Variants in POTEJ observed in about 807,000 individuals in gnomAD.
POTEJ encodes POTE ankyrin domain family member J, also known as POTE ankyrin domain family, member J.
POTEJ carries 11 observed loss-of-function variants against 69.0 expected under a neutral mutation model. The observed-to-expected ratio is 0.16, with a 90% confidence interval of 0.10 to 0.26. POTEJ has a LOEUF of 0.26. Ranked by LOEUF, POTEJ falls within the 10% of genes least tolerant of loss-of-function variation. The probability of loss-of-function intolerance (pLI) is 1.00; values close to 1 mark genes in which losing one functional copy is unlikely to be tolerated. For missense variants in POTEJ, 327 were observed against 1,045.5 expected, an observed-to-expected ratio of 0.31 and a Z score of 9.48; for synonymous variants, 117 against 381.1, an observed-to-expected ratio of 0.31 and a Z score of 8.07.
chr2:130,631,030 A>G (rs1685877909), intron 7 of POTEJ, among the ~76,000 whole-genome samples: 1 of 144,244 alleles, frequency 6.9e-6, no homozygotes, highest in Admixed American at 6.8e-5. Context: ...CAAGTGAGGA[A>G]GGTTTTGGAA....
chr2:130,632,207 A>G (rs1187964610), intron 8 of POTEJ, among the ~76,000 whole-genome samples: 13 of 151,072 alleles, frequency 8.6e-5, no homozygotes, highest in Non-Finnish European at 1.5e-5. Flanking sequence ...GATTGAGAAT[A>G]AAAGCACAAA....
At chr2:130,639,333 A>T (rs1686246203) in intron 10 of POTEJ, among the ~76,000 whole-genome samples, 1 of 152,312 alleles carries the variant, frequency 6.6e-6, no homozygotes, top group Non-Finnish European at 1.5e-5. Flanking sequence ...GTCATGTTAC[A>T]TATGCTTGTG....
chr2:130,618,246 C>G (rs1340169570), intron 3 of POTEJ, among the ~76,000 whole-genome samples: 1 of 152,308 alleles, frequency 6.6e-6, no homozygotes, highest in Non-Finnish European at 1.5e-5. Context: ...CTCTTTTTGG[C>G]CAAATCTTCA....
intron 1 of POTEJ, among the ~76,000 whole-genome samples, chr2:130,613,382 GTGTATATA>G (rs1279356941): frequency 1.6e-4 from 14 of 85,488 alleles, no homozygotes; most frequent in South Asian, 7.5e-4. Context: ...GTGTGTGTGT[GTGTATATA>G]TATATATATA....
chr2:130,626,580 T>C (rs2105214451), intron 6 of POTEJ, among the ~76,000 whole-genome samples: 1 of 152,204 alleles, frequency 6.6e-6, no homozygotes, highest in South Asian at 2.1e-4. Context: ...TGAGCTCCTA[T>C]AAAACTTTAT....
intron 1 of POTEJ, among the ~76,000 whole-genome samples, chr2:130,613,192 C>T (rs1445914108): frequency 7.0e-6 from 1 of 143,162 alleles, no homozygotes; most frequent in Non-Finnish European, 1.5e-5. Context: ...AGAAACATAC[C>T]AGAAAAAATA....
intron 13 of POTEJ, among the ~76,000 whole-genome samples, chr2:130,646,970 A>C (rs1307898773): frequency 6.7e-6 from 1 of 149,104 alleles, no homozygotes; most frequent in African/African-American, 2.6e-5. Flanking sequence ...CAGAGTAAGC[A>C]TATATAATAC....
chr2:130,620,506 G>A (rs531003349), intron 4 of POTEJ, among the ~76,000 whole-genome samples: 3 of 151,562 alleles, frequency 2.0e-5, no homozygotes, highest in Admixed American at 6.6e-5. Context: ...TTTAACCTCT[G>A]TGTCTTACAT....
intron 13 of POTEJ, among the ~76,000 whole-genome samples, chr2:130,647,310 C>A (rs1686616945): frequency 6.6e-6 from 1 of 151,132 alleles, no homozygotes; most frequent in Admixed American, 6.6e-5. Flanking sequence ...TTGTTAGCAA[C>A]AAGATTGCTA....
At chr2:130,644,478 T>A (rs1216051610) in intron 11 of POTEJ, among the ~76,000 whole-genome samples, 44 of 152,286 alleles carry the variant, frequency 2.9e-4, no homozygotes, top group African/African-American at 8.7e-4. Flanking sequence ...GAAAAAAATA[T>A]ATATATATAT....
chr2:130,640,296 TTACCAAAAGTGTGAGA>T (rs1558927887), intron 10 of POTEJ, among the ~76,000 whole-genome samples: 1 of 140,934 alleles, frequency 7.1e-6, no homozygotes, highest in Non-Finnish European at 1.5e-5. Context: ...ACTTTTGGTA[TTACCAAAAGTGTGAGA>T]TACCAGAGGT....
rs1246446030 is a variant in POTEJ at position 130,636,848 on chromosome 2, T to A, written c.1299-1771T>A. Among the ~76,000 whole-genome samples, 6 of 147,648 alleles carry A rather than the reference T, an allele frequency of 4.1e-5. 1 individual carries two copies. The highest frequency in any genetic ancestry group is 6.1e-5 in the Non-Finnish European group (4 of 65,710). On this transcript the variant is annotated intron_variant, in intron 9 of 14. Coordinates refer to ENST00000409602, the MANE Select transcript of POTEJ (RefSeq NM_001277083.2). Reference sequence around the variant, plus strand: ...TGGCTCACACCTGTAATCACAGCACTTTGGGAGGCCAAGGCAGGCGGATCA... The same window carrying A: ...TGGCTCACACCTGTAATCACAGCACATTGGGAGGCCAAGGCAGGCGGATCA...
chr2:130,612,656 A>T lies in POTEJ; in HGVS notation c.410+714A>T, dbSNP rs1286169933. Among the ~76,000 whole-genome samples the T allele has an allele frequency of 9.5e-5, 13 of 137,406 alleles. No individual in the cohort carries two copies. The Admixed American group carries it at 9.5e-4, about 10-fold the overall frequency. 90.1% of individuals were successfully genotyped at this position (137,406 alleles called of 152,430 possible). On this transcript the variant is annotated intron_variant, in intron 1 of 14. Coordinates refer to ENST00000409602, the MANE Select transcript of POTEJ (RefSeq NM_001277083.2). ...CAGGTGCCTGTAGTCCCAGCTACTCAGGAGGCTGAGGCAGGAGAATGGCGT... is the reference window on the plus strand; with the variant it reads ...CAGGTGCCTGTAGTCCCAGCTACTCTGGAGGCTGAGGCAGGAGAATGGCGT...
intron 13 of POTEJ, among the ~76,000 whole-genome samples, 159 bp from the exon 14 acceptor site, chr2:130,654,762 G>A: frequency 7.0e-6 from 1 of 143,836 alleles, no homozygotes. Context: ...TGCCAGCATG[G>A]TTGGGGACAC....
At chr2:130,652,069 G>C (rs1686828827) in intron 13 of POTEJ, among the ~76,000 whole-genome samples, 1 of 138,222 alleles carries the variant, frequency 7.2e-6, no homozygotes. Flanking sequence ...GGAGGTGATT[G>C]GCTCATGGGG....
At chr2:130,626,648 A>G (rs1212403956) in intron 6 of POTEJ, among the ~76,000 whole-genome samples, 5 of 152,174 alleles carry the variant, frequency 3.3e-5, no homozygotes, top group Admixed American at 1.3e-4. Flanking sequence ...GCTGGGATTG[A>G]TGGAAGGTTC....
intron 5 of POTEJ, 45 bp downstream of exon 5, chr2:130,621,648 TA>T (rs1685553108): frequency 6.2e-7 from 1 of 1,611,670 alleles, no homozygotes. Context: ...AATTGAGGTT[TA>T]AAATAATTAT....
At chr2:130,612,687 C>T (rs1382310421) in intron 1 of POTEJ, among the ~76,000 whole-genome samples, 5 of 116,124 alleles carry the variant, frequency 4.3e-5, no homozygotes, top group East Asian at 2.8e-4. Flanking sequence ...GGCGTGAACT[C>T]GGGAGGCGGA....
Position 130,657,458 on chromosome 2 carries a change from G to A in POTEJ, c.2698G>A (p.Glu900Lys). Reference sequence around the variant, plus strand: ...CATGGTGGCCTCCAGCTCCTCCCTAGAGAAGAGCTACGAGCTGCCCGATGG... The same window carrying A: ...CATGGTGGCCTCCAGCTCCTCCCTAAAGAAGAGCTACGAGCTGCCCGATGG... ...MAMVASSSSL[E>K]KSYELPDGQV... The change falls in exon 15 of 15, where the codon GAG becomes AAG. Residue 900 changes from glutamate to lysine, a missense_variant. Transcript: ENST00000409602. The A allele has an allele frequency of 1.3e-6, 2 of 1,589,292 alleles. No individual in the cohort carries two copies. Among genetic ancestry groups the A allele is most frequent in the East Asian group, 2.2e-5 (1 of 44,866 alleles).
Sources: allele counts gnomAD v4.1 joint callset (sites outside exome capture counted in the v4.1 genomes callset), GRCh38; gene constraint gnomAD v4.1.1; transcripts MANE v1.5; gene names NCBI Gene and HGNC (gene_info 2026-07-23, HGNC 2026-07-21).